The following GRM7 variants were observed in gnomAD, a reference collection of about 807,000 sequenced individuals.
GRM7 encodes metabotropic glutamate receptor 7.
Under a neutral mutation model 84.5 loss-of-function variants are expected in GRM7, and 35 were observed. The observed-to-expected ratio is 0.41, with a 90% CI of 0.32 to 0.55. GRM7 has a LOEUF of 0.55. GRM7 is among the 20% of genes least tolerant of loss of function. The pLI, the probability that GRM7 is intolerant of heterozygous loss-of-function variation, is 0.19. For synonymous variants in GRM7, 487 were observed against 455.1 expected (o/e 1.07, Z -0.89); for missense variants, 1,003 against 1,194.6 (o/e 0.84, Z 2.36).
rs572510827 is a variant in GRM7, at chr3:7,717,373, TA to T, written c.2699-22974del. 4.4e-4 allele frequency among the ~76,000 whole-genome samples: 66 copies of T among 150,418 alleles called. No individual in the cohort carries two copies. In the East Asian group the frequency reaches 7.2e-3, roughly 16 times the overall value. ...TTAGAAAGCTAAAATCAGGTTGATT[TA>T]AAAAAAAAATTGCACAGGTGGTTGC... On this transcript the variant is annotated intron_variant, in intron 9 of 9. Coordinates refer to ENST00000357716, the MANE Select transcript of GRM7 (RefSeq NM_000844.4).
intron 1 of GRM7, among the ~76,000 whole-genome samples, chr3:6,880,071 C>T (rs17031835): frequency 0.11 from 16,083 of 152,158 alleles, 879 homozygotes; most frequent in Admixed American, 0.13. Context: ...ATCTCGTTAG[C>T]TAGGGCTTTA....
intron 1 of GRM7, among the ~76,000 whole-genome samples, chr3:6,930,245 G>A (rs899471483): frequency 4.6e-5 from 7 of 152,158 alleles, no homozygotes; most frequent in African/African-American, 1.2e-4. Context: ...GCCAAGCATA[G>A]TACTGATATT....
At chr3:7,227,710 A>C (rs1033822818) in intron 2 of GRM7, among the ~76,000 whole-genome samples, 1 of 152,208 alleles carries the variant, frequency 6.6e-6, no homozygotes, top group Non-Finnish European at 1.5e-5. Flanking sequence ...CTTTTAAAGC[A>C]TAAAGGGGCA....
At chr3:7,562,245 C>G (rs1402113940) in intron 7 of GRM7, among the ~76,000 whole-genome samples, 3 of 151,806 alleles carry the variant, frequency 2.0e-5, no homozygotes, top group Non-Finnish European at 2.9e-5. Flanking sequence ...GCTGGAGAAA[C>G]AGTATGCCAG....
chr3:7,090,904 T>C (rs936774333), intron 1 of GRM7, among the ~76,000 whole-genome samples: 2 of 152,174 alleles, frequency 1.3e-5, no homozygotes, highest in African/African-American at 2.4e-5. Flanking sequence ...GGGAATTCTA[T>C]TGCAGAGCTT....
At chr3:7,355,891 CAG>C (rs1205480818) in intron 4 of GRM7, among the ~76,000 whole-genome samples, 2 of 152,072 alleles carry the variant, frequency 1.3e-5, no homozygotes, top group Non-Finnish European at 2.9e-5. Context: ...GATCAGCTGA[CAG>C]AGAAAGGGAA....
intron 4 of GRM7, among the ~76,000 whole-genome samples, chr3:7,364,315 A>G (rs1045452295): frequency 1.7e-4 from 26 of 151,946 alleles, no homozygotes; most frequent in African/African-American, 2.4e-5. Flanking sequence ...TTTGTTTTAT[A>G]TACAGGCTCT....
intron 4 of GRM7, among the ~76,000 whole-genome samples, chr3:7,404,257 A>G (rs1047790480): frequency 1.3e-5 from 2 of 152,166 alleles, no homozygotes; most frequent in African/African-American, 4.8e-5. Flanking sequence ...GGAGAGGAGC[A>G]TTTGTAGGTA....
At chr3:7,338,114 G>GTA (rs1559247619) in intron 4 of GRM7, among the ~76,000 whole-genome samples, 1 of 106,064 alleles carries the variant, frequency 9.4e-6, no homozygotes, top group South Asian at 2.7e-4. Context: ...ATATATTTAT[G>GTA]TACACACACA....
At chr3:7,223,758 C>T (rs1696887836) in intron 2 of GRM7, among the ~76,000 whole-genome samples, 1 of 152,116 alleles carries the variant, frequency 6.6e-6, no homozygotes, top group South Asian at 2.1e-4. Context: ...ATCTGGAGAG[C>T]CGAATAATAG....
Position 7,397,754 on chromosome 3 carries a change from C to T in GRM7, c.1034-17269C>T, listed in dbSNP as rs1695271405. On this transcript the variant is annotated intron_variant, in intron 4 of 9. Coordinates refer to ENST00000357716, the MANE Select transcript of GRM7 (RefSeq NM_000844.4). The stretch of plus-strand genomic sequence containing the variant: ...GTTCTCACTTAAGGGAGATTTTCCT[C>T]TAAGTAGACACTTGGCAATGTATGA... 2.0e-5 allele frequency among the ~76,000 whole-genome samples: 3 copies of T among 151,978 alleles called. No homozygotes were observed. The South Asian group carries it at 6.2e-4, about 32-fold the overall frequency.
chr3:7,395,902 A>G (rs62235466), intron 4 of GRM7, among the ~76,000 whole-genome samples: 69 of 152,152 alleles, frequency 4.5e-4, no homozygotes, highest in Non-Finnish European at 9.0e-4. Flanking sequence ...ATCTAGGAGG[A>G]GAATATTCAA....
At chr3:7,504,011 T>A (rs1699964551) in intron 7 of GRM7, among the ~76,000 whole-genome samples, 1 of 152,144 alleles carries the variant, frequency 6.6e-6, no homozygotes, top group Non-Finnish European at 1.5e-5. Context: ...ACCTAATATA[T>A]GAGAATATAA....
At chr3:6,958,757 G>A in intron 1 of GRM7, among the ~76,000 whole-genome samples, 1 of 152,098 alleles carries the variant, frequency 6.6e-6, no homozygotes, top group Non-Finnish European at 1.5e-5. Context: ...GATTATAAGA[G>A]AGTCCTTCTA....
intron 2 of GRM7, among the ~76,000 whole-genome samples, chr3:7,262,046 C>T (rs1455479288): frequency 6.6e-6 from 1 of 151,056 alleles, no homozygotes; most frequent in Non-Finnish European, 1.5e-5. Context: ...CACTGTTAGT[C>T]TGATGGGCTT....
chr3:7,348,243 C>A (rs888614628), intron 4 of GRM7, among the ~76,000 whole-genome samples: 1 of 152,076 alleles, frequency 6.6e-6, no homozygotes, highest in Non-Finnish European at 1.5e-5. Context: ...TGTATCTTGA[C>A]ACTTTGATCT....
chr3:7,319,600 T>A (rs1700700992), intron 4 of GRM7, among the ~76,000 whole-genome samples: 2 of 152,036 alleles, frequency 1.3e-5, no homozygotes, highest in Admixed American at 6.6e-5. Flanking sequence ...AACCAGAATG[T>A]CTACAGTATG....
intron 2 of GRM7, among the ~76,000 whole-genome samples, chr3:7,182,366 T>G (rs1328946176): frequency 6.6e-6 from 1 of 152,168 alleles, no homozygotes; most frequent in Non-Finnish European, 1.5e-5. Context: ...AGTTTGCAAA[T>G]TTTTCTCCCT....
chr3:6,998,444 GC>G (rs1014599351), intron 1 of GRM7, among the ~76,000 whole-genome samples: 1 of 152,164 alleles, frequency 6.6e-6, no homozygotes, highest in Non-Finnish European at 1.5e-5. Context: ...GGCACACAGT[GC>G]AAGCTGTCAG....
Sources: gnomAD v4.1 joint callset for allele counts (sites outside exome capture counted in the v4.1 genomes callset) on GRCh38, gnomAD v4.1.1 for gene constraint, MANE v1.5 for transcripts, NCBI Gene and HGNC (gene_info 2026-07-23, HGNC 2026-07-21) for gene names.